Variants in LMX1A observed in about 807,000 individuals in gnomAD.
LMX1A encodes the protein LIM homeobox transcription factor 1-alpha.
In LMX1A, 15 loss-of-function variants were observed where a neutral mutation model predicts 49.1. The ratio of observed to expected loss-of-function variants is 0.31; its 90% CI spans 0.20 to 0.47. The LOEUF is 0.47. Ranked by LOEUF, LMX1A falls within the 20% of genes least tolerant of loss-of-function variation. The probability of loss-of-function intolerance (pLI) is 1.00; values close to 1 mark genes in which losing one functional copy is unlikely to be tolerated. For synonymous variants in LMX1A, 167 were observed against 185.7 expected (o/e 0.90, Z 0.82); for missense variants, 372 against 475.8 (o/e 0.78, Z 2.03).
chr1:165,240,032 A>T (rs951164733), intron 4 of LMX1A, among the ~76,000 whole-genome samples: 1 of 152,232 alleles, frequency 6.6e-6, no homozygotes, highest in Non-Finnish European at 1.5e-5. Context: ...ACCCATGAGT[A>T]GCTTATGAAA....
intron 3 of LMX1A, among the ~76,000 whole-genome samples, chr1:165,336,835 T>C (rs1571230106): frequency 6.6e-6 from 1 of 152,186 alleles, no homozygotes; most frequent in East Asian, 1.9e-4. Context: ...TTCATGGAGA[T>C]TAAAATCTGA....
chr1:165,340,768 T>C (rs962484168), intron 3 of LMX1A, among the ~76,000 whole-genome samples: 6 of 152,224 alleles, frequency 3.9e-5, no homozygotes, highest in Non-Finnish European at 7.3e-5. Context: ...TCTGCCTGTC[T>C]CCTGCTCACT....
At chr1:165,246,231 AC>A (rs1330440037) in intron 4 of LMX1A, among the ~76,000 whole-genome samples, 1 of 152,202 alleles carries the variant, frequency 6.6e-6, no homozygotes, top group African/African-American at 2.4e-5. Context: ...ACCAAAAGCT[AC>A]AACCCTGTTC....
At chr1:165,285,737 C>T (rs1571201997) in intron 3 of LMX1A, among the ~76,000 whole-genome samples, 1 of 152,118 alleles carries the variant, frequency 6.6e-6, no homozygotes, top group Non-Finnish European at 1.5e-5. Context: ...AACACAGCAA[C>T]GGGTTACTAA....
intron 3 of LMX1A, among the ~76,000 whole-genome samples, chr1:165,264,398 T>C (rs1653549413): frequency 6.6e-6 from 1 of 151,512 alleles, no homozygotes; most frequent in African/African-American, 2.4e-5. Context: ...TGTACAGACA[T>C]GCATAAAGCA....
intron 3 of LMX1A, among the ~76,000 whole-genome samples, chr1:165,253,651 C>T (rs943767812): frequency 5.9e-5 from 9 of 152,240 alleles, no homozygotes; most frequent in African/African-American, 1.7e-4. Context: ...GGAAGCACCA[C>T]ACCAGTCCTC....
At chr1:165,319,368 T>C (rs1655315906) in intron 3 of LMX1A, among the ~76,000 whole-genome samples, 1 of 152,028 alleles carries the variant, frequency 6.6e-6, no homozygotes, top group Non-Finnish European at 1.5e-5. Flanking sequence ...AGACAATATA[T>C]AAAAACTAAA....
intron 3 of LMX1A, among the ~76,000 whole-genome samples, chr1:165,305,614 A>G (rs151125931): frequency 6.0e-4 from 92 of 152,334 alleles, no homozygotes; most frequent in African/African-American, 2.2e-3. Flanking sequence ...TTAGCTAACT[A>G]CACATTCCAC....
intron 5 of LMX1A, 83 bp downstream of exon 5, chr1:165,213,558 A>G (rs1016315035): frequency 7.0e-6 from 9 of 1,288,040 alleles, no homozygotes; most frequent in Non-Finnish European, 9.8e-6. Context: ...GTGACCCCCA[A>G]TGCCCACTGA....
intron 3 of LMX1A, among the ~76,000 whole-genome samples, chr1:165,337,109 T>C (rs1655920925): frequency 6.6e-6 from 1 of 152,232 alleles, no homozygotes; most frequent in South Asian, 2.1e-4. Flanking sequence ...ATATAATCAC[T>C]GCTGTATCCC....
chr1:165,355,794 G>A lies in LMX1A; in HGVS notation c.-22-213C>T, dbSNP rs1656588856. On this transcript the variant is annotated intron_variant, in intron 1 of 8. Transcript: ENST00000342310. The surrounding 1 kb of genome is among the most constrained non-coding windows in gnomAD (Gnocchi z 4.7). ...ATCTGATTTCACTTGAAGTCAACAC[G>A]TTATGTACTTAGGCCTCCGCCCCCC... 3.5e-6 allele frequency: 2 copies of A among 565,130 alleles called. No homozygotes were observed. The highest frequency in any genetic ancestry group is 6.3e-6 in the Non-Finnish European group (2 of 317,116). The allele number at this position is 565,130 out of a possible 1,614,324, so 35.0% of individuals were successfully genotyped here. A position where few individuals can be genotyped will look rare whatever the true frequency, so the allele number is the denominator to read the frequency against.
At chr1:165,273,919 A>G (rs1341286408) in intron 3 of LMX1A, among the ~76,000 whole-genome samples, 1 of 152,240 alleles carries the variant, frequency 6.6e-6, no homozygotes, top group Non-Finnish European at 1.5e-5. Flanking sequence ...AGTGGAGACA[A>G]GAGATGTGGC....
At chr1:165,242,926 CCT>C (rs1469363209) in intron 4 of LMX1A, among the ~76,000 whole-genome samples, 3 of 64,448 alleles carry the variant, frequency 4.7e-5, no homozygotes, top group Admixed American at 1.7e-4. Flanking sequence ...CGAAACTCCA[CCT>C]CAAAAAAAAA....
At chr1:165,229,428 T>C (rs1374679194) in intron 4 of LMX1A, among the ~76,000 whole-genome samples, 2 of 152,186 alleles carry the variant, frequency 1.3e-5, no homozygotes, top group East Asian at 1.9e-4. Context: ...TGTTCCCAAC[T>C]ATCTCTTTGG....
intron 3 of LMX1A, among the ~76,000 whole-genome samples, chr1:165,285,916 T>C (rs910360155): frequency 1.3e-5 from 2 of 152,116 alleles, no homozygotes; most frequent in Non-Finnish European, 1.5e-5. Context: ...TGATCAGAGA[T>C]ATAGACTAGT....
chr1:165,320,480 G>T (rs544920564), intron 3 of LMX1A, among the ~76,000 whole-genome samples: 226 of 152,306 alleles, frequency 1.5e-3, no homozygotes, highest in African/African-American at 5.2e-3. Flanking sequence ...GCAGAAGGAA[G>T]AATGAGAGAA....
chr1:165,320,792 G>T (rs1655363004), intron 3 of LMX1A, among the ~76,000 whole-genome samples: 1 of 152,198 alleles, frequency 6.6e-6, no homozygotes, highest in Non-Finnish European at 1.5e-5. Context: ...ACCTAAGAGG[G>T]AAGCCGGTAG....
At chr1:165,208,748 G>T (rs1651213468) in intron 6 of LMX1A, among the ~76,000 whole-genome samples, 1 of 152,158 alleles carries the variant, frequency 6.6e-6, no homozygotes, top group African/African-American at 2.4e-5. Flanking sequence ...TCGGGTTCAC[G>T]CCATTCTCCT....
chr1:165,349,347 T>G (rs1458211542), intron 3 of LMX1A, among the ~76,000 whole-genome samples: 2 of 152,250 alleles, frequency 1.3e-5, no homozygotes, highest in Non-Finnish European at 2.9e-5. Flanking sequence ...GAACAACAGT[T>G]ATATAAATAG....
Sources: allele counts gnomAD v4.1 joint callset (sites outside exome capture counted in the v4.1 genomes callset), GRCh38; gene constraint gnomAD v4.1.1; non-coding constraint Gnocchi (gnomAD v3.1); transcripts MANE v1.5; gene names NCBI Gene and HGNC (gene_info 2026-07-23, HGNC 2026-07-21).